MATCAP2: variants seen among roughly 807,000 people sequenced by gnomAD.
MATCAP2 encodes putative tyrosine carboxypeptidase MATCAP2.
At chr7:36,336,308 AAGAG>A in the MATCAP2 span, 8 of 1,501,504 alleles carry the variant, frequency 5.3e-6, no homozygotes, top group African/African-American at 6.9e-5. Context: ...CTGTAAAAGA[AAGAG>A]AGATAATGAA....
chr7:36,375,743 T>C, the MATCAP2 span, among the ~76,000 whole-genome samples: 2 of 152,226 alleles, frequency 1.3e-5, no homozygotes, highest in Non-Finnish European at 2.9e-5. Context: ...TGGTAGGCTA[T>C]TAATTATTGC....
At chr7:36,340,805 A>G in the MATCAP2 span, among the ~76,000 whole-genome samples, 2 of 152,248 alleles carry the variant, frequency 1.3e-5, no homozygotes, top group Non-Finnish European at 2.9e-5. Context: ...TTGAATGGCA[A>G]TGAGTCAATC....
the MATCAP2 span, chr7:36,366,993 G>T: frequency 7.6e-7 from 1 of 1,317,068 alleles, no homozygotes; most frequent in Non-Finnish European, 9.6e-7. Flanking sequence ...GGAAAGGGCC[G>T]CGCAGGGGCG....
At chr7:36,336,710 GA>G in the MATCAP2 span, among the ~76,000 whole-genome samples, 3 of 148,294 alleles carry the variant, frequency 2.0e-5, no homozygotes, top group Non-Finnish European at 3.0e-5. Context: ...CTTTGAATGA[GA>G]AAAAAAAAAT....
chr7:36,331,013 A>G, the MATCAP2 span: 2 of 1,613,348 alleles, frequency 1.2e-6, no homozygotes, highest in Non-Finnish European at 1.7e-6. Context: ...ATGGAAGTCT[A>G]TGGTATCTCT....
chr7:36,378,572 G>T, the MATCAP2 span, among the ~76,000 whole-genome samples: 1 of 152,236 alleles, frequency 6.6e-6, no homozygotes, highest in Admixed American at 6.5e-5. Context: ...ACTTGAGGGG[G>T]CAGTCTGTCT....
At chr7:36,336,702 T>C in the MATCAP2 span, among the ~76,000 whole-genome samples, 40 of 152,002 alleles carry the variant, frequency 2.6e-4, 1 homozygote, top group Admixed American at 1.0e-3. Flanking sequence ...CCATTGCCCT[T>C]TGAATGAGAA....
the MATCAP2 span, among the ~76,000 whole-genome samples, chr7:36,383,470 A>G: frequency 3.3e-5 from 5 of 152,372 alleles, no homozygotes; most frequent in East Asian, 9.6e-4. Flanking sequence ...GCAGCATGGA[A>G]TACTATGCAG....
At chr7:36,388,804 T>C in the MATCAP2 span, among the ~76,000 whole-genome samples, 1 of 152,168 alleles carries the variant, frequency 6.6e-6, no homozygotes, top group Admixed American at 6.5e-5. Flanking sequence ...AAAGGAAGGA[T>C]TGAACTAGAT....
At chr7:36,362,202 G>A in the MATCAP2 span, among the ~76,000 whole-genome samples, 1 of 152,100 alleles carries the variant, frequency 6.6e-6, no homozygotes, top group Non-Finnish European at 1.5e-5. Context: ...CAATTTGTCT[G>A]CACTATAACA....
chr7:36,354,429 TAC>T, the MATCAP2 span, among the ~76,000 whole-genome samples: 5 of 152,200 alleles, frequency 3.3e-5, no homozygotes, highest in East Asian at 7.7e-4. Flanking sequence ...TCCAAAACAA[TAC>T]AGATTGCCTG....
the MATCAP2 span, among the ~76,000 whole-genome samples, chr7:36,349,992 T>C: frequency 3.9e-5 from 6 of 152,234 alleles, no homozygotes; most frequent in South Asian, 2.1e-4. Context: ...AAAAACCTTA[T>C]AACTTCAGTG....
the MATCAP2 span, among the ~76,000 whole-genome samples, chr7:36,334,767 CT>C: frequency 6.6e-6 from 1 of 151,950 alleles, no homozygotes; most frequent in South Asian, 2.1e-4. Flanking sequence ...TCAAAGATAC[CT>C]TAATTCAACC....
the MATCAP2 span, chr7:36,389,818 C>T: frequency 2.1e-6 from 2 of 930,520 alleles, no homozygotes; most frequent in South Asian, 1.7e-5. Flanking sequence ...CGCGCATGCT[C>T]GCGGCTCGGC....
At chr7:36,356,610 G>C in the MATCAP2 span, 4 of 540,672 alleles carry the variant, frequency 7.4e-6, 1 homozygote, top group East Asian at 1.2e-4. Context: ...TTGGCCACAA[G>C]TTTGTAACTC....
At chr7:36,356,833 G>C in the MATCAP2 span, 1 of 1,260,304 alleles carries the variant, frequency 7.9e-7, no homozygotes, top group Non-Finnish European at 1.2e-6. Flanking sequence ...CTTTGTTTTT[G>C]CTTATAAGAT....
the MATCAP2 span, among the ~76,000 whole-genome samples, chr7:36,331,763 T>C: frequency 6.6e-6 from 1 of 152,234 alleles, no homozygotes; most frequent in Non-Finnish European, 1.5e-5. Flanking sequence ...AGTGAACCTT[T>C]TTCCCATCCT....
the MATCAP2 span, among the ~76,000 whole-genome samples, chr7:36,342,176 T>C: frequency 6.7e-6 from 1 of 148,844 alleles, no homozygotes; most frequent in Non-Finnish European, 1.5e-5. Context: ...AAACACTACA[T>C]AGGTCTTTTT....
At chr7:36,384,905 C>CTAGGTTA in the MATCAP2 span, among the ~76,000 whole-genome samples, 1 of 151,314 alleles carries the variant, frequency 6.6e-6, no homozygotes, top group South Asian at 2.1e-4. Context: ...TAGGAGAATA[C>CTAGGTTA]TAGGTTATTC....
Sources: gnomAD v4.1 joint callset for allele counts (sites outside exome capture counted in the v4.1 genomes callset) on GRCh38, gnomAD v4.1.1 for gene constraint, MANE v1.5 for transcripts, NCBI Gene and HGNC (gene_info 2026-07-23, HGNC 2026-07-21) for gene names.